GABRB1: variants seen among roughly 807,000 people sequenced by gnomAD.
The protein encoded by GABRB1 is gamma-aminobutyric acid type A receptor subunit beta1.
In GABRB1, 17 loss-of-function variants were observed where a neutral mutation model predicts 51.6. That is an observed-to-expected ratio of 0.33 (90% confidence interval 0.23 to 0.49). The LOEUF (loss-of-function observed/expected upper bound fraction) is 0.49, where lower values mean the gene tolerates loss of function less well. Ranked by LOEUF, GABRB1 falls within the 20% of genes least tolerant of loss-of-function variation. GABRB1 has a pLI of 0.99. For synonymous variants in GABRB1, 247 were observed against 218.9 expected (o/e 1.13, Z -1.14); for missense variants, 410 against 600.6 (o/e 0.68, Z 3.32).
At chr4:47,054,879 C>G (rs1293036429) in intron 3 of GABRB1, among the ~76,000 whole-genome samples, 1 of 152,164 alleles carries the variant, frequency 6.6e-6, no homozygotes, top group Non-Finnish European at 1.5e-5. Flanking sequence ...GCCACTGCAC[C>G]CGGACACTTT....
chr4:47,155,946 T>TATATATATATA (rs1577958581), intron 3 of GABRB1, among the ~76,000 whole-genome samples: 3 of 142,528 alleles, frequency 2.1e-5, no homozygotes, highest in Admixed American at 7.1e-5. Flanking sequence ...TATATATATA[T>TATATATATATA]GAAACCACTT....
At chr4:47,008,253 G>C (rs999445798) in intron 1 of GABRB1, among the ~76,000 whole-genome samples, 5 of 151,974 alleles carry the variant, frequency 3.3e-5, no homozygotes, top group Non-Finnish European at 2.9e-5. Context: ...ATCATTGTGG[G>C]ACAACCAAAA....
intron 3 of GABRB1, among the ~76,000 whole-genome samples, chr4:47,049,654 C>T (rs1219245530): frequency 1.3e-5 from 2 of 152,060 alleles, no homozygotes; most frequent in East Asian, 1.9e-4. Context: ...GTAGGAATAT[C>T]GTCTTTATTT....
chr4:47,112,225 A>G (rs909219748), intron 3 of GABRB1, among the ~76,000 whole-genome samples: 2 of 152,114 alleles, frequency 1.3e-5, no homozygotes, highest in African/African-American at 4.8e-5. Context: ...AATCACAGCA[A>G]GATTGTCCTG....
intron 1 of GABRB1, among the ~76,000 whole-genome samples, chr4:47,023,140 GGACATA>G (rs1176638126): frequency 6.6e-6 from 1 of 151,966 alleles, no homozygotes. Flanking sequence ...TTGAACTCAT[GGACATA>G]GAGAGTAGAA....
intron 4 of GABRB1, among the ~76,000 whole-genome samples, chr4:47,312,698 T>TA (rs1724747174): frequency 6.6e-6 from 1 of 152,190 alleles, no homozygotes; most frequent in South Asian, 2.1e-4. Context: ...ACTGTACAAT[T>TA]ATGTTATACA....
intron 5 of GABRB1, among the ~76,000 whole-genome samples, chr4:47,392,467 T>C (rs1728032760): frequency 1.3e-5 from 2 of 151,670 alleles, no homozygotes; most frequent in African/African-American, 2.4e-5. Context: ...CTCAGCCTCC[T>C]GAGTAGCTGG....
chr4:47,348,388 A>G (rs1194284251), intron 5 of GABRB1, among the ~76,000 whole-genome samples: 1 of 152,196 alleles, frequency 6.6e-6, no homozygotes, highest in Admixed American at 6.5e-5. Flanking sequence ...GGTGGCTAAG[A>G]TAGTGACACC....
At chr4:47,111,968 T>TG (rs1458916572) in intron 3 of GABRB1, among the ~76,000 whole-genome samples, 7 of 81,990 alleles carry the variant, frequency 8.5e-5, no homozygotes, top group Non-Finnish European at 1.7e-4. Context: ...AAAGTAGTAT[T>TG]CTTTTTTTTT....
At chr4:46,998,389 A>C (rs1724069209) in intron 1 of GABRB1, among the ~76,000 whole-genome samples, 1 of 152,178 alleles carries the variant, frequency 6.6e-6, no homozygotes, top group African/African-American at 2.4e-5. Context: ...CAGAAATATT[A>C]GTTATTCAAT....
At chr4:47,202,825 T>A (rs1042139481) in intron 4 of GABRB1, among the ~76,000 whole-genome samples, 1 of 152,168 alleles carries the variant, frequency 6.6e-6, no homozygotes, top group African/African-American at 2.4e-5. Flanking sequence ...CCACTTCTTT[T>A]GAGTTGACCA....
intron 3 of GABRB1, among the ~76,000 whole-genome samples, chr4:47,123,105 G>T (rs568666967): frequency 6.6e-6 from 1 of 151,776 alleles, no homozygotes; most frequent in African/African-American, 2.4e-5. Context: ...CCAGTGCTCT[G>T]CCTTTTTGAC....
chr4:47,000,541 T>A (rs547938515), intron 1 of GABRB1, among the ~76,000 whole-genome samples: 24 of 152,344 alleles, frequency 1.6e-4, no homozygotes, highest in Middle Eastern at 3.4e-3. Flanking sequence ...TAGGCTCATA[T>A]GGTGGTTTTC....
intron 5 of GABRB1, among the ~76,000 whole-genome samples, chr4:47,375,907 G>A (rs1163080817): frequency 2.0e-5 from 3 of 152,218 alleles, no homozygotes; most frequent in Non-Finnish European, 2.9e-5. Context: ...GGGAGCAGGA[G>A]GGTACCAGAA....
At chr4:47,156,901 G>A (rs1442489051) in intron 3 of GABRB1, among the ~76,000 whole-genome samples, 1 of 152,066 alleles carries the variant, frequency 6.6e-6, no homozygotes, top group Non-Finnish European at 1.5e-5. Context: ...CTGGGAGGTA[G>A]AGGTTGCAGT....
intron 4 of GABRB1, among the ~76,000 whole-genome samples, chr4:47,237,365 T>C (rs905378947): frequency 1.3e-5 from 2 of 152,034 alleles, no homozygotes; most frequent in Non-Finnish European, 2.9e-5. Context: ...CTATGTTTCA[T>C]ATTCTCTAGG....
intron 3 of GABRB1, among the ~76,000 whole-genome samples, chr4:47,067,604 G>C (rs565950874): frequency 7.7e-4 from 116 of 151,530 alleles, no homozygotes; most frequent in African/African-American, 2.7e-3. Flanking sequence ...TTTTTTCTGA[G>C]CATGAGTATA....
intron 5 of GABRB1, among the ~76,000 whole-genome samples, chr4:47,356,847 T>A (rs963899878): frequency 1.1e-4 from 16 of 152,172 alleles, no homozygotes; most frequent in Non-Finnish European, 2.1e-4. Context: ...TTGATTGATA[T>A]TTTTGATGCC....
At chr4:47,379,214 A>G (rs999821366) in intron 5 of GABRB1, among the ~76,000 whole-genome samples, 1 of 152,188 alleles carries the variant, frequency 6.6e-6, no homozygotes, top group South Asian at 2.1e-4. Flanking sequence ...CTATACAACT[A>G]TGCTATACTA....
Sources: gnomAD v4.1 joint callset for allele counts (sites outside exome capture counted in the v4.1 genomes callset) on GRCh38, gnomAD v4.1.1 for gene constraint, MANE v1.5 for transcripts, NCBI Gene and HGNC (gene_info 2026-07-23, HGNC 2026-07-21) for gene names.